The following IL1R1 variants were observed in gnomAD, a reference collection of about 807,000 sequenced individuals.
The protein encoded by IL1R1 is interleukin-1 receptor type 1.
IL1R1 carries 22 observed loss-of-function variants against 50.2 expected under a neutral mutation model. That is an observed-to-expected ratio of 0.44 (90% CI 0.31 to 0.63). IL1R1 has a LOEUF of 0.63. Among genes scored for constraint, IL1R1 ranks in the 20% least tolerant of loss-of-function variants. IL1R1 has a pLI of 0.07. For synonymous variants in IL1R1, 251 were observed against 236.7 expected (o/e 1.06, Z -0.55); for missense variants, 509 against 676.2 (o/e 0.75, Z 2.74).
At chr2:102,079,053 AAAC>A (rs965292207) in intron 1 of IL1R1, among the ~76,000 whole-genome samples, 33 of 152,140 alleles carry the variant, frequency 2.2e-4, no homozygotes, top group African/African-American at 6.0e-4. Context: ...TCAAGATTAA[AAAC>A]AACAACAACA....
At chr2:102,117,309 T>C (rs1314075980) in intron 1 of IL1R1, among the ~76,000 whole-genome samples, 2 of 152,126 alleles carry the variant, frequency 1.3e-5, no homozygotes, top group African/African-American at 4.8e-5. Context: ...AGGTGGACAC[T>C]GTCATCCCCA....
At chr2:102,156,273 C>T (rs1684183393) in intron 2 of IL1R1, 1 of 152,402 alleles carries the variant, frequency 6.6e-6, no homozygotes, top group Admixed American at 6.6e-5. Context: ...TACTAGTATT[C>T]TAGACTATTT....
intron 1 of IL1R1, among the ~76,000 whole-genome samples, chr2:102,086,345 C>T (rs1174378029): frequency 1.3e-5 from 2 of 152,054 alleles, no homozygotes; most frequent in African/African-American, 2.4e-5. Context: ...TGTGATGGGT[C>T]GTTTTTCTCT....
chr2:102,167,584 A>T (rs1685302368), intron 6 of IL1R1, among the ~76,000 whole-genome samples: 1 of 151,394 alleles, frequency 6.6e-6, no homozygotes, highest in South Asian at 2.1e-4. Flanking sequence ...AGTAGCTGGA[A>T]CTACAGGCGC....
At chr2:102,125,749 C>T (rs1265881803) in intron 1 of IL1R1, among the ~76,000 whole-genome samples, 2 of 152,170 alleles carry the variant, frequency 1.3e-5, no homozygotes, top group Non-Finnish European at 2.9e-5. Context: ...GTTGTCTGTG[C>T]TTCTAAAGGA....
chr2:102,086,046 C>T (rs1428689979), intron 1 of IL1R1, among the ~76,000 whole-genome samples: 7 of 152,048 alleles, frequency 4.6e-5, no homozygotes, highest in East Asian at 3.8e-4. Context: ...ATGACTTGTT[C>T]GTTGATAGAA....
intron 1 of IL1R1, among the ~76,000 whole-genome samples, chr2:102,077,320 C>T (rs1165987343): frequency 6.6e-6 from 1 of 152,198 alleles, no homozygotes; most frequent in Non-Finnish European, 1.5e-5. Context: ...ATCCACCCAC[C>T]TTGGCCTCCC....
At chr2:102,141,211 G>T (rs1010109640), upstream of IL1R1, among the ~76,000 whole-genome samples, 2 of 152,160 alleles carry the variant, frequency 1.3e-5, no homozygotes, top group Non-Finnish European at 2.9e-5. Flanking sequence ...CATCACTGTG[G>T]GAGCTTAGAG....
intron 1 of IL1R1, among the ~76,000 whole-genome samples, chr2:102,071,551 G>A (rs977515660): frequency 3.9e-5 from 6 of 152,172 alleles, no homozygotes; most frequent in Non-Finnish European, 8.8e-5. Flanking sequence ...TCAGAAAGTG[G>A]CCCAAACTGG....
At chr2:102,148,236 G>A (rs1463828010) in intron 1 of IL1R1, among the ~76,000 whole-genome samples, 1 of 152,218 alleles carries the variant, frequency 6.6e-6, no homozygotes, top group Non-Finnish European at 1.5e-5. Context: ...AGCACGCTCT[G>A]TGGTTATTTC....
chr2:102,162,587 G>C (rs1262843835), intron 3 of IL1R1, among the ~76,000 whole-genome samples: 1 of 151,418 alleles, frequency 6.6e-6, no homozygotes, highest in Non-Finnish European at 1.5e-5. Context: ...TTTTTTTAAT[G>C]ACTGCTCTGG....
At chr2:102,099,864 T>C (rs1680065995), upstream of IL1R1, among the ~76,000 whole-genome samples, 1 of 152,246 alleles carries the variant, frequency 6.6e-6, no homozygotes, top group Non-Finnish European at 1.5e-5. Context: ...TTTGTCTGTG[T>C]TAAGTCTCAC....
At chr2:102,165,532 G>C (rs1283510262) in intron 5 of IL1R1, among the ~76,000 whole-genome samples, 1 of 152,182 alleles carries the variant, frequency 6.6e-6, no homozygotes, top group African/African-American at 2.4e-5. Context: ...AGATGTAATT[G>C]AGAAAAGTAC....
At chr2:102,073,838 T>TA (rs537405672) in intron 1 of IL1R1, among the ~76,000 whole-genome samples, 118 of 151,528 alleles carry the variant, frequency 7.8e-4, no homozygotes, top group Non-Finnish European at 1.0e-3. Context: ...CTTATGCAAT[T>TA]AAAAAAAAAT....
At chr2:102,166,785 C>G (rs1407021187) in intron 6 of IL1R1, among the ~76,000 whole-genome samples, 1 of 152,170 alleles carries the variant, frequency 6.6e-6, no homozygotes, top group Non-Finnish European at 1.5e-5. Context: ...GATGCAATCT[C>G]CCAAGGTTAT....
upstream of IL1R1, among the ~76,000 whole-genome samples, chr2:102,103,886 C>T (rs1009779695): frequency 1.4e-5 from 2 of 146,702 alleles, no homozygotes; most frequent in African/African-American, 5.0e-5. Flanking sequence ...CCCAGCTACT[C>T]GGGCTGAGGC....
At chr2:102,146,618 C>T (rs1157774972) in intron 1 of IL1R1, among the ~76,000 whole-genome samples, 2 of 152,164 alleles carry the variant, frequency 1.3e-5, no homozygotes, top group South Asian at 2.1e-4. Context: ...GGCCATTCTT[C>T]TCTCAATTTT....
At position 102,176,740 on chromosome 2, in the gene IL1R1, C is replaced by T; in HGVS notation, c.1691C>T (p.Ala564Val). The T allele has an allele frequency of 6.2e-7, 1 of 1,613,878 alleles. No individual in the cohort carries two copies. Among genetic ancestry groups the T allele is most frequent in the South Asian group, 1.1e-5 (1 of 91,068 alleles). ...PATKEKLQRE[A>V]HVPLG ...ACTAAGGAGAAACTGCAAAGAGAGG[C>T]TCACGTGCCTCTCGGGTAGCATGGA... Residue 564 changes from alanine to valine, a missense_variant, in exon 12 of 12, where the codon GCT (alanine) becomes GTT (valine). Transcript: ENST00000410023.
chr2:102,078,578 A>ACACC (rs1474718425), intron 1 of IL1R1, among the ~76,000 whole-genome samples: 1 of 144,402 alleles, frequency 6.9e-6, no homozygotes. Flanking sequence ...ACACACACAC[A>ACACC]CACACACACA....
Sources: allele counts gnomAD v4.1 joint callset (sites outside exome capture counted in the v4.1 genomes callset), GRCh38; gene constraint gnomAD v4.1.1; transcripts MANE v1.5; gene names NCBI Gene and HGNC (gene_info 2026-07-23, HGNC 2026-07-21).